FRMD4A: variants seen among roughly 807,000 people sequenced by gnomAD.
FRMD4A encodes FERM domain-containing protein 4A.
FRMD4A carries 29 observed loss-of-function variants against 129.1 expected under a neutral mutation model. That is an observed-to-expected ratio of 0.22 (90% CI 0.17 to 0.31). The LOEUF (loss-of-function observed/expected upper bound fraction) is 0.31. Among genes scored for constraint, FRMD4A ranks in the 10% least tolerant of loss-of-function variants. The pLI is 1.00. For synonymous variants in FRMD4A, 634 were observed against 571.6 expected (o/e 1.11, Z -1.56); for missense variants, 1,272 against 1,375.8 (o/e 0.92, Z 1.19).
intron 15 of FRMD4A, among the ~76,000 whole-genome samples, chr10:13,688,391 T>C (rs1388669340): frequency 6.6e-6 from 1 of 151,844 alleles, no homozygotes; most frequent in African/African-American, 2.4e-5. Context: ...CTGGGGACTG[T>C]TGTGGGGTGG....
intron 2 of FRMD4A, among the ~76,000 whole-genome samples, chr10:14,124,166 A>T (rs75800349): frequency 0.011 from 1,700 of 152,266 alleles, 44 homozygotes; most frequent in African/African-American, 0.039. Flanking sequence ...CAAGCACAGC[A>T]GTGTGGTCCA....
At chr10:14,135,076 T>A (rs185859184) in intron 2 of FRMD4A, among the ~76,000 whole-genome samples, 30 of 152,366 alleles carry the variant, frequency 2.0e-4, no homozygotes, top group African/African-American at 7.0e-4. Context: ...AGAAATATTT[T>A]AAAAGTAAGA....
chr10:13,716,989 G>T (rs1426561191), intron 12 of FRMD4A, among the ~76,000 whole-genome samples: 1 of 152,182 alleles, frequency 6.6e-6, no homozygotes, highest in Non-Finnish European at 1.5e-5. Context: ...CCTCCTCAGA[G>T]TGCCCCAAGG....
intron 2 of FRMD4A, among the ~76,000 whole-genome samples, chr10:14,295,717 G>A (rs534301892): frequency 2.9e-4 from 44 of 152,278 alleles, no homozygotes; most frequent in Non-Finnish European, 1.5e-4. Flanking sequence ...GGTGGAGTTT[G>A]GGAGAGGGGG....
intron 2 of FRMD4A, among the ~76,000 whole-genome samples, chr10:14,298,906 G>A (rs953040850): frequency 3.3e-5 from 5 of 152,230 alleles, no homozygotes; most frequent in Admixed American, 2.6e-4. Flanking sequence ...AGGAGGTAGT[G>A]TCTGGATTAC....
At chr10:14,150,945 T>A (rs567708617) in intron 2 of FRMD4A, among the ~76,000 whole-genome samples, 5 of 152,304 alleles carry the variant, frequency 3.3e-5, no homozygotes, top group Non-Finnish European at 5.9e-5. Context: ...TCTGGAGAAA[T>A]CTCAGTTTAG....
chr10:14,311,950 T>A (rs10906649), intron 2 of FRMD4A, among the ~76,000 whole-genome samples: 1 of 151,958 alleles, frequency 6.6e-6, no homozygotes, highest in Non-Finnish European at 1.5e-5. Context: ...TTTTCTTATA[T>A]GGAACTCCCT....
chr10:14,264,648 T>G (rs1018604331), intron 2 of FRMD4A, among the ~76,000 whole-genome samples: 1 of 152,256 alleles, frequency 6.6e-6, no homozygotes, highest in Non-Finnish European at 1.5e-5. Flanking sequence ...TCCTACAGAC[T>G]ATTTAATTAA....
intron 2 of FRMD4A, among the ~76,000 whole-genome samples, chr10:14,279,192 T>TTTTTTTTC (rs1845439707): frequency 6.9e-6 from 1 of 144,006 alleles, no homozygotes; most frequent in Admixed American, 6.9e-5. Flanking sequence ...ATTTTTTTTT[T>TTTTTTTTC]TTTTTTTTTT....
intron 20 of FRMD4A, 89 bp downstream of exon 20, chr10:13,660,227 G>C (rs1245467595): frequency 1.9e-5 from 16 of 841,058 alleles, no homozygotes; most frequent in Non-Finnish European, 2.8e-5. Context: ...TGTGGATTTT[G>C]TCACCGTGGA....
intron 2 of FRMD4A, among the ~76,000 whole-genome samples, chr10:14,104,767 G>A (rs1412574538): frequency 2.0e-5 from 3 of 152,226 alleles, no homozygotes; most frequent in East Asian, 3.9e-4. Context: ...GATTTCGTGT[G>A]GTTCAACTTA....
intron 3 of FRMD4A, among the ~76,000 whole-genome samples, chr10:13,853,918 C>T (rs2094177052): frequency 1.3e-5 from 2 of 150,988 alleles, no homozygotes; most frequent in Middle Eastern, 3.4e-3. Flanking sequence ...GGGAGAAGCA[C>T]TGAAACGAAG....
At chr10:14,306,168 C>CT (rs1462171792) in intron 2 of FRMD4A, among the ~76,000 whole-genome samples, 3 of 152,116 alleles carry the variant, frequency 2.0e-5, no homozygotes, top group African/African-American at 7.2e-5. Context: ...GTGGGGAAAT[C>CT]TTTTTTAAAA....
chr10:14,066,611 A>G (rs958443297), intron 2 of FRMD4A, among the ~76,000 whole-genome samples: 6 of 152,180 alleles, frequency 3.9e-5, no homozygotes, highest in Non-Finnish European at 7.3e-5. Context: ...CAAAGAATTC[A>G]GACCTGGAGC....
intron 2 of FRMD4A, among the ~76,000 whole-genome samples, chr10:14,260,751 C>T (rs905948362): frequency 1.8e-4 from 27 of 152,134 alleles, no homozygotes; most frequent in Non-Finnish European, 3.1e-4. Flanking sequence ...GATGATGAAA[C>T]AGGAATTTTG....
chr10:14,073,905 A>C (rs1386134877), intron 2 of FRMD4A, among the ~76,000 whole-genome samples: 2 of 152,150 alleles, frequency 1.3e-5, no homozygotes, highest in Admixed American at 1.3e-4. Flanking sequence ...TGAGGGCAGG[A>C]GTTCAAGACT....
chr10:13,739,824 G>T (rs2090879871), intron 11 of FRMD4A, among the ~76,000 whole-genome samples: 1 of 152,222 alleles, frequency 6.6e-6, no homozygotes, highest in African/African-American at 2.4e-5. Context: ...TGAGGGCCAG[G>T]CGCGGTGGCT....
chr10:13,683,008 G>C (rs556890515), intron 15 of FRMD4A, among the ~76,000 whole-genome samples: 72 of 152,232 alleles, frequency 4.7e-4, no homozygotes, highest in Admixed American at 1.6e-3. Flanking sequence ...GCGTGATAGT[G>C]CAAGCATCAA....
chr10:14,152,115 T>A (rs964518534), intron 2 of FRMD4A, among the ~76,000 whole-genome samples: 2 of 124,426 alleles, frequency 1.6e-5, no homozygotes, highest in Non-Finnish European at 3.4e-5. Context: ...GTTTGTGTAG[T>A]GCTTTTTTTT....
Sources: allele counts gnomAD v4.1 joint callset (sites outside exome capture counted in the v4.1 genomes callset), GRCh38; gene constraint gnomAD v4.1.1; transcripts MANE v1.5; gene names NCBI Gene and HGNC (gene_info 2026-07-23, HGNC 2026-07-21).